The following STXBP5 variants were observed in gnomAD, a reference collection of about 807,000 sequenced individuals.
STXBP5 encodes the protein syntaxin binding protein 5.
Under a neutral mutation model 152.4 loss-of-function variants are expected in STXBP5, and 50 were observed. The observed-to-expected ratio is 0.33, with a 90% CI of 0.26 to 0.42. STXBP5 has a LOEUF of 0.42. Among genes scored for constraint, STXBP5 ranks in the 10% least tolerant of loss-of-function variants. The probability of loss-of-function intolerance (pLI) is 1.00; values close to 1 mark genes in which losing one functional copy is unlikely to be tolerated. For missense variants in STXBP5, 1,167 were observed against 1,388.6 expected (o/e 0.84, Z 2.54); for synonymous variants, 492 against 494.7 (o/e 0.99, Z 0.07).
chr6:147,314,534 C>T, intron 13 of STXBP5, 62 bp from the exon 14 acceptor site: 1 of 1,530,180 alleles, frequency 6.5e-7, no homozygotes, highest in Non-Finnish European at 8.9e-7. Context: ...AATAGCAGTA[C>T]CCATTTAAAG....
intron 2 of STXBP5, among the ~76,000 whole-genome samples, chr6:147,228,438 G>A (rs779215172): frequency 6.6e-6 from 1 of 151,736 alleles, no homozygotes; most frequent in East Asian, 1.9e-4. Flanking sequence ...GAAGCCTTAA[G>A]GAACATTTTA....
chr6:147,304,445 G>T (rs1321709182), intron 9 of STXBP5, among the ~76,000 whole-genome samples: 1 of 152,326 alleles, frequency 6.6e-6, no homozygotes, highest in African/African-American at 2.4e-5. Flanking sequence ...CCAGGCAGAA[G>T]TTTGCTGCAG....
chr6:147,281,827 G>A (rs1780716973), intron 8 of STXBP5, among the ~76,000 whole-genome samples: 1 of 152,134 alleles, frequency 6.6e-6, no homozygotes, highest in Non-Finnish European at 1.5e-5. Flanking sequence ...ATATAACATG[G>A]GATTTTGAAG....
At chr6:147,272,857 T>C (rs181486854) in intron 7 of STXBP5, among the ~76,000 whole-genome samples, 8 of 152,310 alleles carry the variant, frequency 5.3e-5, no homozygotes, top group African/African-American at 1.4e-4. Context: ...TGAGCTTTTG[T>C]TGCTTTGTAA....
chr6:147,259,963 T>C (rs777933269), intron 4 of STXBP5, among the ~76,000 whole-genome samples: 21 of 152,150 alleles, frequency 1.4e-4, no homozygotes, highest in Non-Finnish European at 2.9e-4. Context: ...AGGCCTGCCA[T>C]ATCATCAGAA....
At chr6:147,322,481 T>A (rs1214452535) in intron 16 of STXBP5, among the ~76,000 whole-genome samples, 2 of 152,240 alleles carry the variant, frequency 1.3e-5, no homozygotes, top group African/African-American at 4.8e-5. Flanking sequence ...TTTCCTAGCA[T>A]GTATGTCATC....
chr6:147,299,314 G>A (rs1263564534), intron 9 of STXBP5, among the ~76,000 whole-genome samples: 2 of 151,310 alleles, frequency 1.3e-5, no homozygotes, highest in Non-Finnish European at 3.0e-5. Flanking sequence ...AGGAAGAAAT[G>A]GAAAATTTCA....
At position 147,294,437 on chromosome 6, in the gene STXBP5, G is replaced by A. The variant is rs118102473; in HGVS notation, c.917+3265G>A. Among the ~76,000 whole-genome samples the A allele has an allele frequency of 4.3e-3, 658 of 152,070 alleles. 14 individuals carry two copies. The highest frequency in any genetic ancestry group is 0.034 in the Admixed American group (519 of 15,266). The stretch of plus-strand genomic sequence containing the variant: ...CACTTGTAACGTGCTCTTTATACCA[G>A]TTGTGTCACATACACCACTGGTATA... On this transcript the variant is annotated intron_variant, in intron 9 of 27. Coordinates refer to ENST00000321680, the MANE Select transcript of STXBP5 (RefSeq NM_001127715.4).
chr6:147,243,345 T>G (rs907580630), intron 4 of STXBP5, among the ~76,000 whole-genome samples: 3 of 152,208 alleles, frequency 2.0e-5, no homozygotes, highest in Admixed American at 6.5e-5. Context: ...ACACATGATA[T>G]GGGTTATCTT....
chr6:147,317,024 A>G (rs997669265), intron 16 of STXBP5, among the ~76,000 whole-genome samples: 1 of 152,236 alleles, frequency 6.6e-6, no homozygotes, highest in Non-Finnish European at 1.5e-5. Context: ...GAAAAAGTAC[A>G]TGAAGACTAT....
chr6:147,245,282 A>G (rs548001003), intron 4 of STXBP5, among the ~76,000 whole-genome samples: 12 of 152,266 alleles, frequency 7.9e-5, no homozygotes, highest in African/African-American at 2.9e-4. Context: ...AGTAGGCTAA[A>G]ACCAACCAGG....
intron 6 of STXBP5, among the ~76,000 whole-genome samples, chr6:147,263,527 C>CA (rs1441633340): frequency 2.0e-5 from 3 of 151,954 alleles, no homozygotes; most frequent in South Asian, 4.1e-4. Context: ...TCTACTCTTT[C>CA]AAAGCTTTCA....
chr6:147,332,496 CAAG>C (rs1294387663), intron 18 of STXBP5, among the ~76,000 whole-genome samples: 8 of 152,150 alleles, frequency 5.3e-5, no homozygotes, highest in African/African-American at 1.9e-4. Flanking sequence ...GTCAGTCAAA[CAAG>C]AAACATTTCA....
chr6:147,296,452 C>T (rs1010363573), intron 9 of STXBP5, among the ~76,000 whole-genome samples: 3 of 151,972 alleles, frequency 2.0e-5, no homozygotes, highest in Admixed American at 2.0e-4. Flanking sequence ...CACACCCTAC[C>T]CAACTAGCAT....
chr6:147,330,603 A>G (rs887192140), intron 18 of STXBP5, among the ~76,000 whole-genome samples: 2 of 152,220 alleles, frequency 1.3e-5, no homozygotes, highest in Non-Finnish European at 2.9e-5. Context: ...GAAAATAGAA[A>G]TGATCAATAG....
At chr6:147,313,270 A>G (rs1045561051) in intron 11 of STXBP5, among the ~76,000 whole-genome samples, 7 of 152,286 alleles carry the variant, frequency 4.6e-5, no homozygotes, top group Admixed American at 3.9e-4. Flanking sequence ...CATTCTAAGG[A>G]CTTTAAAATG....
chr6:147,356,513 T>A (rs939166726), intron 22 of STXBP5, among the ~76,000 whole-genome samples: 9 of 151,820 alleles, frequency 5.9e-5, no homozygotes, highest in African/African-American at 1.4e-4. Context: ...TATGGAAAGT[T>A]GTTTCATTTA....
chr6:147,300,666 A>G (rs533242003), intron 9 of STXBP5, among the ~76,000 whole-genome samples: 2 of 152,272 alleles, frequency 1.3e-5, no homozygotes, highest in South Asian at 2.1e-4. Context: ...AAAATGTATT[A>G]AAGACTTAAA....
chr6:147,368,234 CATAAAT>C (rs1431070831), intron 25 of STXBP5, among the ~76,000 whole-genome samples: 4 of 149,160 alleles, frequency 2.7e-5, no homozygotes, highest in African/African-American at 2.5e-5. Flanking sequence ...CAATATCTCT[CATAAAT>C]ATAAAAGCAA....
Sources: gnomAD v4.1 joint callset for allele counts (sites outside exome capture counted in the v4.1 genomes callset) on GRCh38, gnomAD v4.1.1 for gene constraint, MANE v1.5 for transcripts, NCBI Gene and HGNC (gene_info 2026-07-23, HGNC 2026-07-21) for gene names.